The following C11orf65 variants were observed in gnomAD, a reference collection of about 807,000 sequenced individuals.
C11orf65 encodes chromosome 11 open reading frame 65, also known as protein MFI.
Under a neutral mutation model 35.3 loss-of-function variants are expected in C11orf65, and 38 were observed. The ratio of observed to expected loss-of-function variants is 1.08; its 90% confidence interval spans 0.83 to 1.41. C11orf65 has a LOEUF of 1.41. Among genes scored for constraint, C11orf65 ranks in the 40% most tolerant of loss-of-function variants. The probability of loss-of-function intolerance (pLI) is 0.00; values close to 1 mark genes in which losing one functional copy is unlikely to be tolerated. For missense variants in C11orf65, 370 were observed against 367.1 expected (o/e 1.01, Z -0.06); for synonymous variants, 105 against 114.4 (o/e 0.92, Z 0.53).
downstream of C11orf65, chr11:108,329,284 T>A (rs755319376): frequency 2.7e-6 from 4 of 1,507,514 alleles, no homozygotes; most frequent in Non-Finnish European, 3.7e-6. Context: ...ACCAGTTAAC[T>A]GAGTGAGTGT....
At chr11:108,336,409 GTATT>G (rs1425756699) in intron 2 of C11orf65, 2 of 158,276 alleles carry the variant, frequency 1.3e-5, no homozygotes, top group South Asian at 1.8e-4. Context: ...TTTGTAAAAA[GTATT>G]TATTAATGTT....
intron 2 of C11orf65, among the ~76,000 whole-genome samples, chr11:108,459,572 A>G (rs1174375170): frequency 6.6e-6 from 1 of 152,142 alleles, no homozygotes; most frequent in Non-Finnish European, 1.5e-5. Flanking sequence ...CAGTTTTTCC[A>G]AAGGATGCTA....
intron 6 of C11orf65, among the ~76,000 whole-genome samples, chr11:108,309,365 G>A (rs1234321495): frequency 1.3e-5 from 2 of 152,168 alleles, no homozygotes; most frequent in Non-Finnish European, 2.9e-5. Context: ...TTGCTGTGTA[G>A]TAGGGTGTGC....
At chr11:108,452,937 G>A (rs1265114054) in intron 2 of C11orf65, among the ~76,000 whole-genome samples, 2 of 146,150 alleles carry the variant, frequency 1.4e-5, no homozygotes, top group African/African-American at 2.5e-5. Context: ...CCTCATAGGT[G>A]GGAATTAAAC....
At chr11:108,449,576 T>C (rs1388894937) in intron 2 of C11orf65, among the ~76,000 whole-genome samples, 2 of 151,998 alleles carry the variant, frequency 1.3e-5, no homozygotes, top group East Asian at 3.8e-4. Context: ...GAAAACTGGC[T>C]AGCCATAGGT....
chr11:108,347,380 C>A lies in C11orf65; in HGVS notation c.227-12088G>T, dbSNP rs1438943849. 1.3e-6 allele frequency: 2 copies of A among 1,536,234 alleles called. No homozygotes were observed. Among genetic ancestry groups the A allele is most frequent in the Non-Finnish European group, 1.8e-6 (2 of 1,110,320 alleles). ...TATAGATCTAGGTAAGTAATAAAATCTATGTATCTATTCTTTTTAGTAAAT... is the reference window on the plus strand; with the variant it reads ...TATAGATCTAGGTAAGTAATAAAATATATGTATCTATTCTTTTTAGTAAAT... On this transcript the variant is annotated intron_variant, in intron 2 of 3. Transcript: ENST00000524755.
intron 7 of C11orf65, among the ~76,000 whole-genome samples, chr11:108,388,132 C>T (rs2092056872): frequency 3.9e-5 from 6 of 152,108 alleles, no homozygotes; most frequent in Admixed American, 3.9e-4. Context: ...ACTTTCATTC[C>T]ACCTTCAAGA....
intron 3 of C11orf65, among the ~76,000 whole-genome samples, chr11:108,410,482 T>C (rs1415164108): frequency 2.0e-5 from 3 of 152,120 alleles, no homozygotes; most frequent in African/African-American, 7.2e-5. Flanking sequence ...CCATTCCAAG[T>C]AGCTGGGACT....
Position 108,456,492 on chromosome 11 carries a change from A to G in C11orf65, c.81+4987T>C, listed in dbSNP as rs11212651. Among the ~76,000 whole-genome samples, 919 of 152,250 alleles carry G rather than the reference A, an allele frequency of 6.0e-3. 6 individuals are homozygous for G. Among genetic ancestry groups the G allele is most frequent in the East Asian group, 0.011 (55 of 5,174 alleles). ...CCCAGAAAGCACTAACCATGAAGAAAAAGTGGTGGCTGGGCATGGTGGCTC... is the reference window on the plus strand; with the variant it reads ...CCCAGAAAGCACTAACCATGAAGAAGAAGTGGTGGCTGGGCATGGTGGCTC... On this transcript the variant is annotated intron_variant, in intron 2 of 8. Transcript: ENST00000393084.
intron 7 of C11orf65, 47 bp downstream of exon 7, chr11:108,393,161 A>T (rs759903794): frequency 6.5e-7 from 1 of 1,535,568 alleles, no homozygotes; most frequent in Non-Finnish European, 8.8e-7. Flanking sequence ...TTAGAAAAAA[A>T]CTATGATGAC....
At chr11:108,445,118 G>C (rs998777635) in intron 2 of C11orf65, among the ~76,000 whole-genome samples, 1 of 152,192 alleles carries the variant, frequency 6.6e-6, no homozygotes, top group East Asian at 1.9e-4. Flanking sequence ...AGCTCCAACT[G>C]GATGGAGCCC....
chr11:108,373,362 AACTT>A (rs139512296), intron 2 of C11orf65, among the ~76,000 whole-genome samples: 284 of 152,338 alleles, frequency 1.9e-3, no homozygotes, highest in African/African-American at 6.6e-3. Flanking sequence ...ATCTGTGAAA[AACTT>A]ACAGCTCACG....
At chr11:108,440,841 C>T (rs548858097) in intron 2 of C11orf65, among the ~76,000 whole-genome samples, 36 of 152,164 alleles carry the variant, frequency 2.4e-4, no homozygotes, top group Admixed American at 1.0e-3. Flanking sequence ...AAAATATGAC[C>T]GATAGGAAGA....
At chr11:108,375,446 G>C (rs1399848523) in intron 2 of C11orf65, among the ~76,000 whole-genome samples, 5 of 150,424 alleles carry the variant, frequency 3.3e-5, no homozygotes, top group Non-Finnish European at 7.4e-5. Context: ...GAGAGATTTT[G>C]TCACCACCAG....
intron 2 of C11orf65, among the ~76,000 whole-genome samples, chr11:108,449,686 G>T (rs1239734631): frequency 1.3e-5 from 2 of 151,916 alleles, no homozygotes; most frequent in Non-Finnish European, 1.5e-5. Flanking sequence ...AAAAACCCTG[G>T]AAGAAAACCT....
intron 2 of C11orf65, chr11:108,347,472 A>T: frequency 1.1e-6 from 1 of 928,280 alleles, no homozygotes; most frequent in Non-Finnish European, 1.7e-6. Flanking sequence ...GATAAATTGA[A>T]GCAGTAAATA....
intron 2 of C11orf65, among the ~76,000 whole-genome samples, chr11:108,347,751 G>C (rs1324205573): frequency 6.6e-6 from 1 of 152,130 alleles, no homozygotes; most frequent in Non-Finnish European, 1.5e-5. Context: ...CTGTAGTTGA[G>C]TCGCTTGAGA....
chr11:108,327,667 C>A (rs150503164), downstream of C11orf65: 117 of 1,613,754 alleles, frequency 7.3e-5, no homozygotes, highest in African/African-American at 1.4e-3. Context: ...CTAAAACTTA[C>A]ATACACAGAA....
Position 108,382,848 on chromosome 11 carries a change from C to G in C11orf65, c.*173G>C, listed in dbSNP as rs886513878. ...GAATAATTTCTATATTTGCCATGAT[C>G]ATTGTATTCAGTCCAGTGTTCTATT... is the stretch of plus-strand genomic sequence containing the variant. On this transcript the variant is annotated 3_prime_UTR_variant, in exon 9 of 9. Transcript: ENST00000393084. The G allele has an allele frequency of 3.0e-6, 3 of 984,838 alleles. No individual in the cohort carries two copies. Among genetic ancestry groups the G allele is most frequent in the Non-Finnish European group, 3.6e-6 (3 of 829,550 alleles). The allele number at this position is 984,838 out of a possible 1,614,324, so 61.0% of individuals were successfully genotyped here.
Sources: gnomAD v4.1 joint callset for allele counts (sites outside exome capture counted in the v4.1 genomes callset) on GRCh38, gnomAD v4.1.1 for gene constraint, MANE v1.5 for transcripts, NCBI Gene and HGNC (gene_info 2026-07-23, HGNC 2026-07-21) for gene names.